KLF8: variants seen among roughly 807,000 people sequenced by gnomAD.
KLF8 encodes Krueppel-like factor 8.
In KLF8, 10 loss-of-function variants were observed where a neutral mutation model predicts 18.2. That is an observed-to-expected ratio of 0.55 (90% CI 0.34 to 0.93). The LOEUF (loss-of-function observed/expected upper bound fraction) is 0.93, where lower values mean the gene tolerates loss of function less well. Among genes scored for constraint, KLF8 ranks in the 40% least tolerant of loss-of-function variants. The pLI is 0.02. For synonymous variants in KLF8, 109 were observed against 97.3 expected (o/e 1.12, Z -0.71); for missense variants, 264 against 277.9 (o/e 0.95, Z 0.36).
intron 5 of KLF8, among the ~76,000 whole-genome samples, chrX:56,272,099 A>G (rs2067064811): frequency 8.9e-6 from 1 of 111,913 alleles, no homozygotes. Flanking sequence ...AAATGGCCCT[A>G]AAATATCCAC....
the KLF8 span, among the ~76,000 whole-genome samples, chrX:55,966,314 T>G: frequency 1.8e-5 from 2 of 112,247 alleles, no homozygotes; most frequent in African/African-American, 6.5e-5. Flanking sequence ...TGAGACCAAG[T>G]GCTTTGCTGG....
At chrX:56,275,037 G>A (rs758296099) in intron 5 of KLF8, among the ~76,000 whole-genome samples, 7 of 111,275 alleles carry the variant, frequency 6.3e-5, no homozygotes, top group Admixed American at 5.7e-4. Context: ...TTTATGCAGA[G>A]GATTGTCGTT....
the KLF8 span, among the ~76,000 whole-genome samples, chrX:56,187,905 A>T: frequency 8.9e-6 from 1 of 112,115 alleles, no homozygotes; most frequent in Non-Finnish European, 1.9e-5. Flanking sequence ...TGACAAATCC[A>T]CAGCCAGTAT....
At chrX:56,181,777 G>A in the KLF8 span, among the ~76,000 whole-genome samples, 3 of 100,937 alleles carry the variant, frequency 3.0e-5, no homozygotes, top group Admixed American at 1.0e-4. Context: ...CTTTAAGAAT[G>A]TTGAATATTG....
At chrX:56,259,683 CTT>C (rs780121540) in intron 2 of KLF8, among the ~76,000 whole-genome samples, 6 of 111,154 alleles carry the variant, frequency 5.4e-5, no homozygotes, top group Non-Finnish European at 7.5e-5. Flanking sequence ...GTAAATATCT[CTT>C]GTCTCCCCAG....
At chrX:56,014,747 A>G in the KLF8 span, 1 of 109,910 alleles carries the variant, frequency 9.1e-6, no homozygotes, top group African/African-American at 3.3e-5. Context: ...TCAGTGATAG[A>G]CTGGTTAAAG....
At chrX:56,140,177 C>A in the KLF8 span, among the ~76,000 whole-genome samples, 4 of 112,250 alleles carry the variant, frequency 3.6e-5, no homozygotes, top group Admixed American at 2.8e-4. Flanking sequence ...ATTAGTTCAG[C>A]CACTGTGGAA....
At chrX:56,281,598 G>T (rs779027165) in intron 5 of KLF8, among the ~76,000 whole-genome samples, 1 of 110,734 alleles carries the variant, frequency 9.0e-6, no homozygotes, top group East Asian at 2.8e-4. Context: ...TAGTAGAGAC[G>T]GGGTTTCACT....
the KLF8 span, among the ~76,000 whole-genome samples, chrX:56,039,070 T>C: frequency 1.8e-5 from 2 of 112,104 alleles, no homozygotes; most frequent in Non-Finnish European, 3.8e-5. Context: ...TTCTTTTTCT[T>C]GTAAATTTGT....
upstream of KLF8, among the ~76,000 whole-genome samples, chrX:56,231,630 G>A (rs1425397791): frequency 9.0e-6 from 1 of 111,559 alleles, no homozygotes; most frequent in Admixed American, 9.5e-5. Flanking sequence ...GGTTGCTTGT[G>A]ACTTCCTGGC....
At chrX:56,200,748 T>A in the KLF8 span, among the ~76,000 whole-genome samples, 2 of 111,357 alleles carry the variant, frequency 1.8e-5, no homozygotes, top group Non-Finnish European at 3.8e-5. Context: ...ATATAAGGAA[T>A]GCCTACAACT....
At chrX:56,226,224 AAAT>A in the KLF8 span, among the ~76,000 whole-genome samples, 1 of 112,121 alleles carries the variant, frequency 8.9e-6, no homozygotes, top group South Asian at 3.7e-4. Flanking sequence ...CTAGGTGTCT[AAAT>A]AAGGGAACTC....
chrX:55,987,740 T>G, the KLF8 span, among the ~76,000 whole-genome samples: 54 of 112,212 alleles, frequency 4.8e-4, no homozygotes, highest in Middle Eastern at 4.6e-3. Flanking sequence ...TGGGTCAAAT[T>G]GTATTTCTAG....
chrX:56,030,909 G>A, the KLF8 span, among the ~76,000 whole-genome samples: 3 of 109,627 alleles, frequency 2.7e-5, no homozygotes, highest in East Asian at 2.9e-4. Flanking sequence ...TAACCACTGT[G>A]GGGGATCTAA....
the KLF8 span, among the ~76,000 whole-genome samples, chrX:56,047,421 C>T: frequency 9.8e-6 from 1 of 102,208 alleles, no homozygotes; most frequent in African/African-American, 3.6e-5. Flanking sequence ...CCCCCCTCCC[C>T]CACCTCACAA....
At chrX:56,021,944 G>T in the KLF8 span, among the ~76,000 whole-genome samples, 1 of 106,224 alleles carries the variant, frequency 9.4e-6, no homozygotes, top group South Asian at 4.2e-4. Flanking sequence ...TCCCAGAAAT[G>T]TGTGCAGAGA....
At chrX:55,946,888 G>A in the KLF8 span, among the ~76,000 whole-genome samples, 1 of 111,896 alleles carries the variant, frequency 8.9e-6, no homozygotes, top group East Asian at 2.8e-4. Flanking sequence ...ATGAGAAAAT[G>A]CTGACCATCA....
At chrX:56,207,776 C>T in the KLF8 span, among the ~76,000 whole-genome samples, 3 of 110,341 alleles carry the variant, frequency 2.7e-5, no homozygotes, top group African/African-American at 9.9e-5. Flanking sequence ...AAGTTGCTTC[C>T]ACATTTTTGG....
the KLF8 span, among the ~76,000 whole-genome samples, chrX:56,208,874 C>A: frequency 2.7e-5 from 3 of 111,988 alleles, no homozygotes; most frequent in Non-Finnish European, 5.6e-5. Context: ...TGCATGTGAT[C>A]TAACATATGG....
Sources: gnomAD v4.1 joint callset for allele counts (sites outside exome capture counted in the v4.1 genomes callset) on GRCh38, gnomAD v4.1.1 for gene constraint, MANE v1.5 for transcripts, NCBI Gene and HGNC (gene_info 2026-07-23, HGNC 2026-07-21) for gene names.